Variants in NADSYN1 observed in about 807,000 individuals in gnomAD.
The protein encoded by NADSYN1 is glutamine-dependent NAD(+) synthetase.
A neutral mutation model predicts 99.3 loss-of-function variants in NADSYN1; 80 were observed. That is an observed-to-expected ratio of 0.81 (90% CI 0.67 to 0.97). The LOEUF is 0.97. Among genes scored for constraint, NADSYN1 ranks in the 50% least tolerant of loss-of-function variants. The pLI is 0.00. For synonymous variants in NADSYN1, 385 were observed against 372.1 expected (o/e 1.03, Z -0.40); for missense variants, 859 against 948.5 (o/e 0.91, Z 1.24).
In NADSYN1 at chr11:71,473,580, A is replaced by G; in HGVS notation, c.560A>G (p.Asp187Gly). Residue 187 changes from aspartate (D) to glycine (G), a missense_variant, in exon 8 of 21, where the codon GAC (aspartate) becomes GGC (glycine). Transcript: ENST00000319023. ...GCCTCTGCCTGCAGCCCGCACATCGACATGGGCCTGGATGGCGTGGAGATC... is the reference window on the plus strand; with the variant it reads ...GCCTCTGCCTGCAGCCCGCACATCGGCATGGGCCTGGATGGCGTGGAGATC... ...ELWTPHSPHI[D>G]MGLDGVEIIT... is the part of the protein sequence containing the mutation. 6.2e-7 allele frequency: 1 copy of G among 1,611,154 alleles called. No individual in the cohort carries two copies. The highest frequency in any genetic ancestry group is 1.7e-5 in the Admixed American group (1 of 59,934).
chr11:71,484,431 C>T lies in NADSYN1; in HGVS notation c.1439C>T (p.Ala480Val), dbSNP rs150460226. 50 of 1,613,790 alleles carry T rather than the reference C, an allele frequency of 3.1e-5. No individual in the cohort carries two copies. Among genetic ancestry groups the T allele is most frequent in the Admixed American group, 2.0e-4 (12 of 59,988 alleles). The part of the protein sequence containing the change: ...AHGGSSRENL[A>V]LQNVQARIRM... ...GGAGGAAGCAGCAGGGAAAACCTGG[C>T]GCTGCAAAATGTGCAGGTGCCCCCG... Residue 480 changes from alanine to valine, a missense_variant, in exon 15 of 21, where the codon GCG becomes GTG. Coordinates refer to ENST00000319023, the MANE Select transcript of NADSYN1 (RefSeq NM_018161.5).
At chr11:71,477,381 C>A in intron 9 of NADSYN1, 2 of 1,289,744 alleles carry the variant, frequency 1.6e-6, no homozygotes, top group Non-Finnish European at 2.0e-6. Context: ...GGGAAGCAGC[C>A]AGAGAACCAC....
intron 3 of NADSYN1, 118 bp from the exon 4 acceptor site, chr11:71,463,314 T>A: frequency 1.1e-6 from 1 of 899,180 alleles, no homozygotes; most frequent in East Asian, 2.6e-5. Context: ...TCCGAAGGGA[T>A]CGGAGGAAGC....
chr11:71,491,780 G>T lies in NADSYN1; in HGVS notation c.1695-54G>T, dbSNP rs78295954. On this transcript the variant is annotated intron_variant, in intron 17 of 20. Coordinates refer to ENST00000319023, the MANE Select transcript of NADSYN1 (RefSeq NM_018161.5). ...CTTAGTCTGGGGATTCTCTCCCAGA[G>T]CTCACACCACCCTCGCAGCTGCACT... is the stretch of plus-strand genomic sequence containing the variant. 9.1e-3 allele frequency: 14,126 copies of T among 1,544,536 alleles called. 748 individuals carry two copies. The African/African-American group carries it at 0.13, about 14-fold the overall frequency.
intron 13 of NADSYN1, among the ~76,000 whole-genome samples, chr11:71,482,555 C>T (rs2120477192): frequency 7.5e-6 from 1 of 133,878 alleles, no homozygotes; most frequent in East Asian, 2.2e-4. Context: ...CGCCTGGGGG[C>T]CGTAGACTGG....
chr11:71,493,093 T>C (rs1044117041), intron 18 of NADSYN1, among the ~76,000 whole-genome samples: 3 of 152,104 alleles, frequency 2.0e-5, no homozygotes, highest in Non-Finnish European at 4.4e-5. Flanking sequence ...TTCCACCATG[T>C]TGGCCAGAAC....
In NADSYN1 at chr11:71,484,197, C is replaced by T. The variant is rs140682283; in HGVS notation, c.1320-115C>T. 7.0e-4 allele frequency: 1,011 copies of T among 1,434,280 alleles called. 5 individuals carry two copies. In the African/African-American group the frequency reaches 0.012, roughly 17 times the overall value. The allele number at this position is 1,434,280 out of a possible 1,614,324, so 88.8% of individuals were successfully genotyped here. The stretch of plus-strand genomic sequence containing the variant: ...GGATTGCTAAACACCACAAATCATA[C>T]GCTTTAAATGGGTTACAATGGTCAG... On this transcript the variant is annotated intron_variant, in intron 14 of 20. Transcript: ENST00000319023.
rs768405561 is a variant in NADSYN1 at position 71,463,418 on chromosome 11, C to T, written c.264-14C>T. The T allele has an allele frequency of 3.1e-6, 5 of 1,613,064 alleles. No individual in the cohort carries two copies. The Admixed American group carries it at 5.0e-5, about 16-fold the overall frequency. On this transcript the variant is annotated splice_polypyrimidine_tract_variant and intron_variant, in intron 3 of 20. Transcript: ENST00000319023. ...ACCGGGCAGACACACATGTACCTCC[C>T]CTCTCTCCTGCAGGCCTGTAATGCA...
chr11:71,470,725 A>G (rs1245664454), intron 5 of NADSYN1, among the ~76,000 whole-genome samples: 1 of 152,152 alleles, frequency 6.6e-6, no homozygotes, highest in African/African-American at 2.4e-5. Context: ...TTGACTCCAC[A>G]TTCAGGTCTT....
chr11:71,453,315 G>C lies in NADSYN1; in HGVS notation c.19G>C (p.Val7Leu). 6.2e-7 allele frequency: 1 copy of C among 1,613,750 alleles called. No homozygotes were observed. Among genetic ancestry groups the C allele is most frequent in the Non-Finnish European group, 8.5e-7 (1 of 1,179,770 alleles). Residue 7 changes from valine to leucine, a missense_variant, in exon 1 of 21, where the codon GTG becomes CTG. By Grantham distance (32) the Val-to-Leu change is conservative (BLOSUM62 1). Coordinates refer to ENST00000319023, the MANE Select transcript of NADSYN1 (RefSeq NM_018161.5). MGRKVT[V>L]ATCALNQWAL... ...GGCCAGGATGGGCCGGAAGGTGACC[G>C]TGGCCACCTGCGCACTCAACCAGTG...
chr11:71,482,068 C>T, intron 13 of NADSYN1, 43 bp downstream of exon 13: 1 of 1,558,184 alleles, frequency 6.4e-7, no homozygotes, highest in African/African-American at 1.4e-5. Flanking sequence ...CAGGGTCCAG[C>T]CCTTGGGCTG....
chr11:71,492,598 C>T (rs998698635), intron 18 of NADSYN1, among the ~76,000 whole-genome samples: 3 of 152,144 alleles, frequency 2.0e-5, no homozygotes, highest in Non-Finnish European at 2.9e-5. Context: ...ACACTCAATT[C>T]TGTTCCATAG....
chr11:71,455,008 GTTTTTT>G, intron 1 of NADSYN1, 96 bp from the exon 2 acceptor site: 3 of 723,298 alleles, frequency 4.1e-6, no homozygotes, highest in South Asian at 2.1e-5. Context: ...TTTGTTGTTT[GTTTTTT>G]TTTTTATCCT....
At chr11:71,481,895 C>T in intron 12 of NADSYN1, 28 bp from the exon 13 acceptor site, 1 of 1,600,332 alleles carries the variant, frequency 6.2e-7, no homozygotes, top group Non-Finnish European at 8.5e-7. Flanking sequence ...CGAGGCTCTG[C>T]TCACGCTGTC....
chr11:71,482,853 G>A lies in NADSYN1; in HGVS notation c.1155G>A (p.Glu385=), dbSNP rs1373647644. ...TTCTGTCCTGGTGGTTTTCAGATGAGGAAGTGCTGGCTGATGTCCGCACCA... is the reference window on the plus strand; with the variant it reads ...TTCTGTCCTGGTGGTTTTCAGATGAAGAAGTGCTGGCTGATGTCCGCACCA... ...QVCEAVRSGN[E]EVLADVRTIV... Residue 385 remains glutamate (E), a synonymous_variant, in exon 14 of 21, where the codon GAG becomes GAA. Coordinates refer to ENST00000319023, the MANE Select transcript of NADSYN1 (RefSeq NM_018161.5). 1.2e-6 allele frequency: 2 copies of A among 1,612,278 alleles called. No individual in the cohort carries two copies. Among genetic ancestry groups the A allele is most frequent in the Non-Finnish European group, 1.7e-6 (2 of 1,179,404 alleles).
intron 10 of NADSYN1, 95 bp from the exon 11 acceptor site, chr11:71,480,660 T>G: frequency 6.3e-7 from 1 of 1,581,544 alleles, no homozygotes; most frequent in Non-Finnish European, 8.6e-7. Context: ...CATGCGTTTC[T>G]GTGGCTGATG....
At position 71,453,284 on chromosome 11, in the gene NADSYN1, G is replaced by T; in HGVS notation, c.-13G>T. Reference sequence around the variant, plus strand: ...TCCCCCGCTGGCCTCCTGCCCAAGCGACTGCGGCCAGGATGGGCCGGAAGG... The same window carrying T: ...TCCCCCGCTGGCCTCCTGCCCAAGCTACTGCGGCCAGGATGGGCCGGAAGG... On this transcript the variant is annotated 5_prime_UTR_variant, in exon 1 of 21. Coordinates refer to ENST00000319023, the MANE Select transcript of NADSYN1 (RefSeq NM_018161.5). The T allele has an allele frequency of 6.2e-7, 1 of 1,612,592 alleles. No individual in the cohort carries two copies. The highest frequency in any genetic ancestry group is 2.2e-5 in the East Asian group (1 of 44,784).
rs760802318 is a variant in NADSYN1 at position 71,482,978 on chromosome 11, C to T, written c.1280C>T (p.Thr427Met). ...YMASKNSSQE[T>M]CTRARELAQQ... is the part of the protein sequence containing the mutation. ...GCCAGCAAGAACTCCTCCCAGGAGA[C>T]GTGCACCCGGGCCAGAGAGTTGGCC... The change falls in exon 14 of 21, where the codon ACG becomes ATG. Residue 427 changes from threonine to methionine, a missense_variant. By Grantham distance (81) the Thr-to-Met change is moderately conservative. Coordinates refer to ENST00000319023, the MANE Select transcript of NADSYN1 (RefSeq NM_018161.5). 1.7e-5 allele frequency: 28 copies of T among 1,612,588 alleles called. No individual in the cohort carries two copies. The highest frequency in any genetic ancestry group is 2.7e-5 in the African/African-American group (2 of 74,930).
At chr11:71,459,957 G>A (rs12800438) in intron 3 of NADSYN1, 87,631 of 152,282 alleles carry the variant, frequency 0.58, 27,626 homozygotes, top group Non-Finnish European at 0.74. Context: ...TCTGAAGGTC[G>A]GAGGTCAAGG....
Sources: gnomAD v4.1 joint callset for allele counts (sites outside exome capture counted in the v4.1 genomes callset) on GRCh38, gnomAD v4.1.1 for gene constraint, MANE v1.5 for transcripts, NCBI Gene and HGNC (gene_info 2026-07-23, HGNC 2026-07-21) for gene names.